Variants in DGKB observed in about 807,000 individuals in gnomAD.
DGKB encodes 90 kDa diacylglycerol kinase.
In DGKB, 67 loss-of-function variants were observed where a neutral mutation model predicts 114.3. The observed-to-expected ratio is 0.59, with a 90% CI of 0.48 to 0.72. The LOEUF is 0.72. Ranked by LOEUF, DGKB falls within the 30% of genes least tolerant of loss-of-function variation. The pLI, the probability that DGKB is intolerant of heterozygous loss-of-function variation, is 0.00. For synonymous variants in DGKB, 398 were observed against 323.1 expected, an observed-to-expected ratio of 1.23 and a Z score of -2.49; for missense variants, 907 against 975.2, an observed-to-expected ratio of 0.93 and a Z score of 0.93.
At chr7:14,276,416 T>C (rs949302717) in intron 23 of DGKB, among the ~76,000 whole-genome samples, 1 of 152,200 alleles carries the variant, frequency 6.6e-6, no homozygotes, top group African/African-American at 2.4e-5. Flanking sequence ...ACAGTATGTC[T>C]ACATGATAGA....
intron 25 of DGKB, among the ~76,000 whole-genome samples, chr7:14,165,029 C>G (rs943057922): frequency 2.0e-5 from 3 of 152,042 alleles, no homozygotes; most frequent in Admixed American, 6.6e-5. Flanking sequence ...AAAGCAAAGA[C>G]AAGACCGTGG....
At chr7:14,855,905 T>C (rs950598814) in intron 1 of DGKB, among the ~76,000 whole-genome samples, 1 of 151,948 alleles carries the variant, frequency 6.6e-6, no homozygotes, top group Non-Finnish European at 1.5e-5. Flanking sequence ...ATGAAGTATG[T>C]AGGACACACT....
chr7:14,952,921 CA>C (rs1405324551), intron 1 of DGKB, among the ~76,000 whole-genome samples: 7 of 151,976 alleles, frequency 4.6e-5, no homozygotes, highest in Non-Finnish European at 8.8e-5. Flanking sequence ...ATCACATTTA[CA>C]ATTTGTTTCA....
intron 1 of DGKB, among the ~76,000 whole-genome samples, chr7:14,974,199 G>A (rs759507928): frequency 6.6e-6 from 1 of 151,896 alleles, no homozygotes; most frequent in Non-Finnish European, 1.5e-5. Context: ...AAAAATACTG[G>A]CAGCTGTGCA....
chr7:14,258,242 A>T (rs913542349), intron 23 of DGKB, among the ~76,000 whole-genome samples: 2 of 152,186 alleles, frequency 1.3e-5, no homozygotes, highest in African/African-American at 4.8e-5. Context: ...GTTGAATTTA[A>T]TTTTTAAAGG....
At chr7:14,218,506 A>T (rs1366213206) in intron 23 of DGKB, among the ~76,000 whole-genome samples, 1 of 152,104 alleles carries the variant, frequency 6.6e-6, no homozygotes, top group African/African-American at 2.4e-5. Flanking sequence ...GATGTCTGCC[A>T]ACAAAAGCTC....
rs79412355 is a variant in DGKB, at chr7:14,555,275, C to A, written c.1770+18937G>T. Reference sequence around the variant, plus strand: ...ATATTAAATATTCTGTATCTCTGCACTTTGTTTTTGTCTAACTTTATATTC... The same window carrying A: ...ATATTAAATATTCTGTATCTCTGCAATTTGTTTTTGTCTAACTTTATATTC... On this transcript the variant is annotated intron_variant, in intron 20 of 25. Coordinates refer to ENST00000402815, the MANE Select transcript of DGKB (RefSeq NM_001350709.2). Among the ~76,000 whole-genome samples, 2,924 of 152,214 alleles carry A rather than the reference C, an allele frequency of 0.019. 128 individuals carry two copies. In the East Asian group the frequency reaches 0.19, roughly 10 times the overall value.
chr7:14,499,480 G>C (rs1389011266), intron 20 of DGKB, among the ~76,000 whole-genome samples: 1 of 151,656 alleles, frequency 6.6e-6, no homozygotes, highest in African/African-American at 2.4e-5. Context: ...GATTAGTTTT[G>C]GTTTGATTTC....
At chr7:14,542,276 G>T (rs578129771) in intron 20 of DGKB, among the ~76,000 whole-genome samples, 1 of 151,952 alleles carries the variant, frequency 6.6e-6, no homozygotes, top group Non-Finnish European at 1.5e-5. Flanking sequence ...ATCCTGTCTC[G>T]TCTTTCCAAA....
At chr7:14,296,760 G>GTTT (rs56367420) in intron 23 of DGKB, among the ~76,000 whole-genome samples, 102 of 100,828 alleles carry the variant, frequency 1.0e-3, no homozygotes, top group African/African-American at 3.9e-3. Flanking sequence ...TCCAGGGACT[G>GTTT]TTTTTTTTTT....
chr7:14,500,474 AT>A (rs11357286), intron 20 of DGKB, among the ~76,000 whole-genome samples: 28,210 of 145,544 alleles, frequency 0.19, 3,693 homozygotes, highest in East Asian at 0.54. Flanking sequence ...AAGTTTCTTT[AT>A]TTTTTTTTTT....
intron 2 of DGKB, among the ~76,000 whole-genome samples, chr7:14,781,594 A>C (rs1228956453): frequency 1.3e-5 from 2 of 152,118 alleles, no homozygotes; most frequent in African/African-American, 4.8e-5. Flanking sequence ...GCTGTCAATT[A>C]AGTCACATTT....
intron 20 of DGKB, among the ~76,000 whole-genome samples, chr7:14,479,262 A>G (rs1281051457): frequency 6.6e-6 from 1 of 152,182 alleles, no homozygotes; most frequent in Non-Finnish European, 1.5e-5. Flanking sequence ...CTAATCAAGG[A>G]TTAAAAGTCT....
At chr7:14,615,068 C>G (rs189687267) in intron 15 of DGKB, among the ~76,000 whole-genome samples, 1 of 152,022 alleles carries the variant, frequency 6.6e-6, no homozygotes, top group Non-Finnish European at 1.5e-5. Context: ...ATTTCTCATC[C>G]TATTACAAAT....
At chr7:14,424,308 A>G (rs1489013328) in intron 21 of DGKB, among the ~76,000 whole-genome samples, 2 of 151,946 alleles carry the variant, frequency 1.3e-5, no homozygotes, top group African/African-American at 4.8e-5. Context: ...CCTTGAGTAC[A>G]CCTAATGTGG....
At chr7:14,806,271 A>T (rs1280274544) in intron 2 of DGKB, among the ~76,000 whole-genome samples, 1 of 152,074 alleles carries the variant, frequency 6.6e-6, no homozygotes, top group Non-Finnish European at 1.5e-5. Context: ...TGATATTTGA[A>T]TGGTTTCAAT....
chr7:14,231,993 G>A (rs1483828367), intron 23 of DGKB, among the ~76,000 whole-genome samples: 1 of 151,962 alleles, frequency 6.6e-6, no homozygotes, highest in Admixed American at 6.6e-5. Context: ...TTTCCTCTTA[G>A]TCTTTCTGAG....
intron 4 of DGKB, among the ~76,000 whole-genome samples, chr7:14,753,624 G>C (rs1179978501): frequency 1.3e-5 from 2 of 152,086 alleles, no homozygotes; most frequent in Non-Finnish European, 2.9e-5. Context: ...TAATAGCACA[G>C]CCTTATATAT....
At chr7:14,296,239 C>T (rs1802539037) in intron 23 of DGKB, among the ~76,000 whole-genome samples, 1 of 151,832 alleles carries the variant, frequency 6.6e-6, no homozygotes, top group Admixed American at 6.6e-5. Flanking sequence ...ACCATGTTGG[C>T]CAGGATGGTC....
Sources: allele counts gnomAD v4.1 joint callset (sites outside exome capture counted in the v4.1 genomes callset), GRCh38; gene constraint gnomAD v4.1.1; transcripts MANE v1.5; gene names NCBI Gene and HGNC (gene_info 2026-07-23, HGNC 2026-07-21).